Variants in CCSER1 observed in about 807,000 individuals in gnomAD.
The protein encoded by CCSER1 is coiled-coil serine rich protein 1, also known as serine-rich coiled-coil domain-containing protein 1.
CCSER1 carries 41 observed loss-of-function variants against 82.0 expected under a neutral mutation model. That is an observed-to-expected ratio of 0.50 (90% confidence interval 0.39 to 0.65). CCSER1 has a LOEUF of 0.65. CCSER1 is among the 30% of genes least tolerant of loss of function. The probability of loss-of-function intolerance (pLI) is 0.00; values close to 1 mark genes in which losing one functional copy is unlikely to be tolerated. For missense variants in CCSER1, 1,119 were observed against 1,064.2 expected, an observed-to-expected ratio of 1.05 and a Z score of -0.72; for synonymous variants, 414 against 383.9, an observed-to-expected ratio of 1.08 and a Z score of -0.92.
chr4:90,708,570 T>C (rs1418940683), intron 6 of CCSER1, among the ~76,000 whole-genome samples: 1 of 152,194 alleles, frequency 6.6e-6, no homozygotes, highest in Non-Finnish European at 1.5e-5. Flanking sequence ...AATTTTATGA[T>C]GTTTTCTTTA....
At chr4:91,288,011 T>G (rs1176886095) in intron 10 of CCSER1, among the ~76,000 whole-genome samples, 1 of 80,960 alleles carries the variant, frequency 1.2e-5, no homozygotes, top group Non-Finnish European at 2.8e-5. Context: ...ACATTTTCTT[T>G]GATATATAAA....
chr4:91,034,219 G>A (rs1482434744), intron 9 of CCSER1, among the ~76,000 whole-genome samples: 2 of 152,180 alleles, frequency 1.3e-5, no homozygotes, highest in Non-Finnish European at 1.5e-5. Flanking sequence ...CAAGATGATA[G>A]GAGGATCCTA....
chr4:90,268,711 T>C (rs896224694), intron 1 of CCSER1, among the ~76,000 whole-genome samples: 5 of 152,000 alleles, frequency 3.3e-5, no homozygotes, highest in African/African-American at 1.2e-4. Flanking sequence ...AATGAGAACA[T>C]TGAATGTAAA....
At chr4:90,779,522 C>T (rs1209423286) in intron 7 of CCSER1, among the ~76,000 whole-genome samples, 1 of 152,204 alleles carries the variant, frequency 6.6e-6, no homozygotes, top group Non-Finnish European at 1.5e-5. Context: ...TTAACATTCA[C>T]TTATTCCTAA....
chr4:91,090,205 G>T (rs1484160157), intron 10 of CCSER1, among the ~76,000 whole-genome samples: 1 of 152,126 alleles, frequency 6.6e-6, no homozygotes, highest in African/African-American at 2.4e-5. Flanking sequence ...CATAGACAGG[G>T]AATCCTAGGA....
chr4:91,226,527 T>C (rs1272490952), intron 10 of CCSER1, among the ~76,000 whole-genome samples: 5 of 151,908 alleles, frequency 3.3e-5, no homozygotes, highest in Non-Finnish European at 7.4e-5. Flanking sequence ...TGGGGGCATG[T>C]GAAGTGAATG....
intron 10 of CCSER1, among the ~76,000 whole-genome samples, chr4:91,176,879 G>C (rs1050880658): frequency 5.9e-5 from 9 of 152,106 alleles, no homozygotes; most frequent in Admixed American, 2.0e-4. Flanking sequence ...GGTGAGAGAG[G>C]GCATCCCGGT....
chr4:91,463,225 G>A (rs770655517), intron 10 of CCSER1, among the ~76,000 whole-genome samples: 100 of 152,296 alleles, frequency 6.6e-4, no homozygotes, highest in Non-Finnish European at 1.1e-3. Context: ...TGCAGCCTCC[G>A]CTGCTGATAC....
At position 91,257,109 on chromosome 4, in the gene CCSER1, TACTA is replaced by T. The variant is rs1740751188; in HGVS notation, c.2217+171118_2217+171121del. ...AGAAAGCATCACTGTCACCCCCAAA[TACTA>T]ACAGAATTTACCTTAGATGAAATGA... On this transcript the variant is annotated intron_variant, in intron 10 of 10. Coordinates refer to ENST00000509176, the MANE Select transcript of CCSER1 (RefSeq NM_001145065.2). Among the ~76,000 whole-genome samples, 3 of 152,258 alleles carry T rather than the reference TACTA, an allele frequency of 2.0e-5. No individual in the cohort carries two copies. The South Asian group carries it at 6.2e-4, about 32-fold the overall frequency.
intron 9 of CCSER1, chr4:90,938,859 A>G (rs1731263726): frequency 6.2e-6 from 1 of 160,016 alleles, no homozygotes; most frequent in Non-Finnish European, 1.4e-5. Context: ...TTTCAGTTCA[A>G]TTACTTCACA....
rs1416058442 is a variant in CCSER1, at chr4:90,933,014, A to G, written c.2172+9567A>G. 4.6e-5 allele frequency among the ~76,000 whole-genome samples: 4 copies of G among 86,838 alleles called. 1 individual carries two copies. Among genetic ancestry groups the G allele is most frequent in the African/African-American group, 2.4e-4 (3 of 12,326 alleles). 57.0% of individuals were successfully genotyped at this position (86,838 alleles called of 152,430 possible). On this transcript the variant is annotated intron_variant, in intron 9 of 10. Coordinates refer to ENST00000509176, the MANE Select transcript of CCSER1 (RefSeq NM_001145065.2). ...AAAGAAAGAAAGAAAGAAAGAAAGA[A>G]AGAAAGAAAGAAAGAAAGAAAGAAA...
At chr4:91,085,135 A>G (rs547156713) in intron 9 of CCSER1, among the ~76,000 whole-genome samples, 1 of 151,756 alleles carries the variant, frequency 6.6e-6, no homozygotes, top group Non-Finnish European at 1.5e-5. Context: ...ATACATTGAT[A>G]GTGCAATGTA....
chr4:91,446,095 G>T (rs927709858), intron 10 of CCSER1, among the ~76,000 whole-genome samples: 1 of 152,076 alleles, frequency 6.6e-6, no homozygotes, highest in Non-Finnish European at 1.5e-5. Context: ...CTTTTGTAAT[G>T]TTTTATTGTG....
chr4:90,206,709 T>C (rs1309056940), intron 1 of CCSER1, among the ~76,000 whole-genome samples: 3 of 147,920 alleles, frequency 2.0e-5, no homozygotes, highest in African/African-American at 7.7e-5. Context: ...GTCTATTAGG[T>C]CTGCTTGGTC....
In CCSER1 at chr4:91,473,078, C is replaced by T. The variant is rs534499466; in HGVS notation, c.2218-125494C>T. On this transcript the variant is annotated intron_variant, in intron 10 of 10. Transcript: ENST00000509176. Reference sequence around the variant, plus strand: ...TCATATTCTGTGTGTTCCGCCAATGCCCAGTATTACATGGTATTAGGGGGA... The same window carrying T: ...TCATATTCTGTGTGTTCCGCCAATGTCCAGTATTACATGGTATTAGGGGGA... 3.9e-4 allele frequency among the ~76,000 whole-genome samples: 59 copies of T among 152,232 alleles called. 1 individual carries two copies. The South Asian group carries it at 0.011, about 28-fold the overall frequency.
chr4:90,477,815 C>T (rs2153595342), intron 5 of CCSER1, among the ~76,000 whole-genome samples: 2 of 151,804 alleles, frequency 1.3e-5, no homozygotes, highest in South Asian at 4.2e-4. Flanking sequence ...GAAGGTAGAA[C>T]CAACCATGAT....
intron 10 of CCSER1, among the ~76,000 whole-genome samples, chr4:91,362,448 T>C (rs764446382): frequency 6.6e-6 from 1 of 151,832 alleles, no homozygotes; most frequent in Non-Finnish European, 1.5e-5. Flanking sequence ...TTGGAAGACT[T>C]TTTTTGAGCA....
intron 3 of CCSER1, among the ~76,000 whole-genome samples, chr4:90,382,322 C>T (rs1054805665): frequency 1.3e-5 from 2 of 151,954 alleles, no homozygotes; most frequent in East Asian, 3.9e-4. Context: ...TTATGTTTGA[C>T]TGTGTTTGTT....
chr4:90,233,223 C>G (rs1408253672), intron 1 of CCSER1, among the ~76,000 whole-genome samples: 2 of 151,958 alleles, frequency 1.3e-5, no homozygotes, highest in Non-Finnish European at 2.9e-5. Flanking sequence ...GGAACCAACC[C>G]AAATGTCCAA....
Sources: allele counts gnomAD v4.1 joint callset (sites outside exome capture counted in the v4.1 genomes callset), GRCh38; gene constraint gnomAD v4.1.1; transcripts MANE v1.5; gene names NCBI Gene and HGNC (gene_info 2026-07-23, HGNC 2026-07-21).